PARP6: variants seen among roughly 807,000 people sequenced by gnomAD.
The protein encoded by PARP6 is poly(ADP-ribose) polymerase family member 6, also known as protein mono-ADP-ribosyltransferase PARP6.
Under a neutral mutation model 92.0 loss-of-function variants are expected in PARP6, and 27 were observed. The ratio of observed to expected loss-of-function variants is 0.29; its 90% CI spans 0.22 to 0.40. PARP6 has a LOEUF of 0.40. Ranked by LOEUF, PARP6 falls within the 10% of genes least tolerant of loss-of-function variation. PARP6 has a pLI of 1.00. For missense variants in PARP6, 501 were observed against 784.5 expected (o/e 0.64, Z 4.32); for synonymous variants, 272 against 281.2 (o/e 0.97, Z 0.33).
At chr15:72,255,970 G>T (rs193157058) in intron 14 of PARP6, among the ~76,000 whole-genome samples, 4 of 150,730 alleles carry the variant, frequency 2.7e-5, no homozygotes, top group Admixed American at 2.0e-4. Context: ...CTAATTTTTT[G>T]TATTTTTTAG....
chr15:72,258,954 T>G (rs1432138717), intron 11 of PARP6, among the ~76,000 whole-genome samples: 1 of 152,214 alleles, frequency 6.6e-6, no homozygotes, highest in Non-Finnish European at 1.5e-5. Context: ...GAAGCTGAAC[T>G]TCAATAGGAG....
intron 18 of PARP6, chr15:72,250,501 T>C (rs953448381): frequency 2.4e-5 from 8 of 334,932 alleles, no homozygotes; most frequent in African/African-American, 1.3e-4. Context: ...ATAAGTTCTC[T>C]TTAATACCTC....
chr15:72,244,684 G>A (rs1415499470), intron 20 of PARP6: 1 of 152,186 alleles, frequency 6.6e-6, no homozygotes, highest in Admixed American at 6.5e-5. Flanking sequence ...TCAAATGCTG[G>A]AGTAACTACA....
In PARP6 at chr15:72,242,213, G is replaced by A; in HGVS notation, c.1649C>T (p.Ser550Phe). The A allele has an allele frequency of 1.2e-6, 2 of 1,614,010 alleles. No homozygotes were observed. Among genetic ancestry groups the A allele is most frequent in the South Asian group, 2.2e-5 (2 of 91,076 alleles). Reference sequence around the variant, plus strand: ...ACTCTGCAGGAACCGTGACTGAATGGATCGGGTCTGGAAGAGAAGGAGGCA... The same window carrying A: ...ACTCTGCAGGAACCGTGACTGAATGAATCGGGTCTGGAAGAGAAGGAGGCA... Reference protein sequence around the residue: ...NRMNTIPQTRSIQSRFLQSRN... With the variant: ...NRMNTIPQTRFIQSRFLQSRN... Residue 550 changes from serine to phenylalanine, a missense_variant, in exon 22 of 24, where the codon TCC becomes TTC. Transcript: ENST00000569795. This position sits in a 1 kb window ranked among gnomAD's most constrained non-coding sequence, Gnocchi z 4.3.
intron 7 of PARP6, 132 bp from the exon 8 acceptor site, chr15:72,264,753 A>G (rs75272970): frequency 3.0e-6 from 2 of 669,766 alleles, no homozygotes; most frequent in Non-Finnish European, 5.2e-6. Context: ...ACGGTGGAAG[A>G]AAAAAAACAT....
intron 16 of PARP6, among the ~76,000 whole-genome samples, chr15:72,251,813 A>T (rs1315733688): frequency 6.6e-6 from 1 of 152,256 alleles, no homozygotes; most frequent in East Asian, 1.9e-4. Context: ...TCAAGGACAG[A>T]CTAAGCTCTA....
intron 16 of PARP6, 161 bp from the exon 17 acceptor site, chr15:72,251,416 T>C (rs2084335241): frequency 1.9e-6 from 1 of 531,238 alleles, no homozygotes; most frequent in Non-Finnish European, 3.3e-6. Context: ...GATATTCCTG[T>C]GGGTGATAGT....
In PARP6 at chr15:72,255,784, CTTTTTTTTTTT is replaced by C. The variant is rs67560148; in HGVS notation, c.1125+670_1125+680del. On this transcript the variant is annotated intron_variant, in intron 14 of 23. Coordinates refer to ENST00000569795, the MANE Select transcript of PARP6 (RefSeq NM_001323532.2). ...AGTACTTTACATATATTACTTCTCT[CTTTTTTTTTTT>C]TTTTTTTTTTTTTTTTTTTGAGACA... 2.6e-3 allele frequency among the ~76,000 whole-genome samples: 237 copies of C among 92,830 alleles called. 3 individuals are homozygous for C. Among genetic ancestry groups the C allele is most frequent in the African/African-American group, 8.9e-3 (226 of 25,318 alleles). The allele number at this position is 92,830 out of a possible 152,430, so 60.9% of individuals were successfully genotyped here.
rs1278307675 is a variant in PARP6 at position 72,261,562 on chromosome 15, G to A, written c.541C>T (p.Pro181Ser). 2 of 1,613,910 alleles carry A rather than the reference G, an allele frequency of 1.2e-6. No homozygotes were observed. The highest frequency in any genetic ancestry group is 1.7e-6 in the Non-Finnish European group (2 of 1,179,938). Reference sequence around the variant, plus strand: ...TCAGCTTTAGGGAGCACTTACTTGGGGATGGGTGAAAAGATGCTGAGGCCA... The same window carrying A: ...TCAGCTTTAGGGAGCACTTACTTGGAGATGGGTGAAAAGATGCTGAGGCCA... ...RAGLSIFSPI[P>S]KSPSFPIIQD... Residue 181 changes from proline (P) to serine (S), a missense_variant, in exon 9 of 24, where the codon CCC (proline) becomes TCC (serine). This residue lies in a region of PARP6 where 291 missense variants were observed against 352.0 expected (regional missense o/e 0.83). Coordinates refer to ENST00000569795, the MANE Select transcript of PARP6 (RefSeq NM_001323532.2).
At chr15:72,254,325 A>C in intron 15 of PARP6, 130 bp downstream of exon 15, 3 of 653,884 alleles carry the variant, frequency 4.6e-6, no homozygotes, top group South Asian at 3.8e-5. Flanking sequence ...AAGGTTAAAG[A>C]GGAAAGACTA....
At position 72,252,859 on chromosome 15, in the gene PARP6, G is replaced by A. The variant is rs548714244; in HGVS notation, c.1259+578C>T. 2.2e-4 allele frequency among the ~76,000 whole-genome samples: 33 copies of A among 152,176 alleles called. 1 individual carries two copies. Among genetic ancestry groups the A allele is most frequent in the African/African-American group, 3.1e-4 (13 of 41,526 alleles). ...GAAAACAAACAACAAAACCTATTGC[G>A]AAACATGGAACACCTAAAGAGAACT... is the stretch of plus-strand genomic sequence containing the variant. On this transcript the variant is annotated intron_variant, in intron 16 of 23. Transcript: ENST00000569795.
intron 16 of PARP6, among the ~76,000 whole-genome samples, chr15:72,252,184 A>G (rs1167747819): frequency 1.3e-5 from 2 of 152,218 alleles, no homozygotes; most frequent in Non-Finnish European, 2.9e-5. Flanking sequence ...TGGACATTCT[A>G]TATCATCAAG....
intron 16 of PARP6, among the ~76,000 whole-genome samples, chr15:72,251,513 GGGGT>G (rs2084352272): frequency 6.6e-6 from 1 of 151,760 alleles, no homozygotes; most frequent in African/African-American, 2.4e-5. Context: ...AAAAAAAAAA[GGGGT>G]GGGAGGAGTG....
In PARP6 at chr15:72,250,089, C is replaced by G. The variant is rs770529638; in HGVS notation, c.1422G>C (p.Gly474=). Residue 474 remains glycine, a synonymous_variant, in exon 19 of 24, where the codon GGG becomes GGC. Transcript: ENST00000569795. The part of the protein sequence containing the change: ...KLYGSTFAFH[G]SHIENWHSIL... ...TCGAATGCCAGTTCTCAATGTGGGA[C>G]CCACTGTAAGGCAGGGTAGAATACA... The G allele has an allele frequency of 3.1e-6, 5 of 1,605,066 alleles. No individual in the cohort carries two copies. The highest frequency in any genetic ancestry group is 1.3e-5 in the African/African-American group (1 of 74,708).
At chr15:72,251,930 T>C (rs1374606772) in intron 16 of PARP6, among the ~76,000 whole-genome samples, 1 of 152,246 alleles carries the variant, frequency 6.6e-6, no homozygotes, top group East Asian at 1.9e-4. Flanking sequence ...TCTTTGTTTT[T>C]TGTGCCTCAT....
chr15:72,242,486 A>G lies in PARP6; in HGVS notation c.1641+134T>C. ...ATGACTCCAGACGTGTGTTCACTTT[A>G]GAACATACCTGACTCCTTTAAATGA... On this transcript the variant is annotated intron_variant, in intron 21 of 23. Coordinates refer to ENST00000569795, the MANE Select transcript of PARP6 (RefSeq NM_001323532.2). This position sits in a 1 kb window ranked among gnomAD's most constrained non-coding sequence, Gnocchi z 4.3. The G allele has an allele frequency of 1.4e-6, 1 of 709,864 alleles. No individual in the cohort carries two copies. Among genetic ancestry groups the G allele is most frequent in the Non-Finnish European group, 2.5e-6 (1 of 396,754 alleles). 44.0% of individuals were successfully genotyped at this position (709,864 alleles called of 1,614,324 possible).
At chr15:72,252,720 G>T (rs1212357453) in intron 16 of PARP6, among the ~76,000 whole-genome samples, 2 of 152,096 alleles carry the variant, frequency 1.3e-5, no homozygotes, top group African/African-American at 4.8e-5. Context: ...CCCAACCTCA[G>T]GTGATCCGCC....
chr15:72,248,348 CTT>C (rs879617655), intron 20 of PARP6, among the ~76,000 whole-genome samples: 2 of 144,586 alleles, frequency 1.4e-5, no homozygotes, highest in African/African-American at 5.0e-5. Flanking sequence ...TTTCTTTTTT[CTT>C]TTTTTTTTTG....
At chr15:72,259,457 A>G (rs2085562253) in intron 11 of PARP6, 151 bp downstream of exon 11, 14 of 679,870 alleles carry the variant, frequency 2.1e-5, no homozygotes, top group Non-Finnish European at 3.7e-5. Flanking sequence ...AGTTTCTTGA[A>G]GATGGGAACA....
Sources: allele counts gnomAD v4.1 joint callset (sites outside exome capture counted in the v4.1 genomes callset), GRCh38; gene constraint gnomAD v4.1.1; regional missense constraint gnomAD v4.1.1; non-coding constraint Gnocchi (gnomAD v3.1); transcripts MANE v1.5; gene names NCBI Gene and HGNC (gene_info 2026-07-23, HGNC 2026-07-21).